Variants in RNLS observed in about 807,000 individuals in gnomAD.
RNLS encodes the protein renalase.
RNLS carries 39 observed loss-of-function variants against 39.8 expected under a neutral mutation model. That is an observed-to-expected ratio of 0.98 (90% CI 0.76 to 1.28). RNLS has a LOEUF of 1.28. RNLS is among the 50% of genes most tolerant of loss of function. The probability of loss-of-function intolerance (pLI) is 0.00; values close to 1 mark genes in which losing one functional copy is unlikely to be tolerated. For missense variants in RNLS, 410 were observed against 413.3 expected (o/e 0.99, Z 0.07); for synonymous variants, 147 against 150.7 (o/e 0.98, Z 0.18).
In RNLS at chr10:88,340,176, G is replaced by A. The variant is rs542927050; in HGVS notation, c.700+22376C>T. Among the ~76,000 whole-genome samples, 6 of 152,288 alleles carry A rather than the reference G, an allele frequency of 3.9e-5. No homozygotes were observed. In the East Asian group the frequency reaches 1.2e-3, roughly 29 times the overall value. ...AAAACCAAGGAGGTGAGATTTCCAG[G>A]TTCCCAAGCACAGGATAAAAATCCT... On this transcript the variant is annotated intron_variant, in intron 5 of 6. Coordinates refer to ENST00000331772, the MANE Select transcript of RNLS (RefSeq NM_001031709.3).
intron 4 of RNLS, among the ~76,000 whole-genome samples, chr10:88,522,928 T>TC (rs1317897461): frequency 6.6e-6 from 1 of 152,138 alleles, no homozygotes; most frequent in Non-Finnish European, 1.5e-5. Flanking sequence ...CACTGGTTTT[T>TC]CCCCAAAGAA....
At chr10:88,281,890 A>G (rs758946401), downstream of RNLS, among the ~76,000 whole-genome samples, 5 of 152,102 alleles carry the variant, frequency 3.3e-5, no homozygotes, top group African/African-American at 1.2e-4. Flanking sequence ...AGAGGCAGGA[A>G]AAAAAATAGA....
At chr10:88,522,125 C>T (rs1260117590) in intron 4 of RNLS, among the ~76,000 whole-genome samples, 1 of 152,022 alleles carries the variant, frequency 6.6e-6, no homozygotes, top group Non-Finnish European at 1.5e-5. Context: ...TGAAATGGGG[C>T]CAATGCACCC....
the RNLS span, among the ~76,000 whole-genome samples, chr10:88,214,286 G>T: frequency 6.6e-6 from 1 of 152,066 alleles, no homozygotes; most frequent in Non-Finnish European, 1.5e-5. Context: ...GGGAAGTCAG[G>T]CAAAGAGCCC....
At chr10:88,393,350 G>C (rs536693982) in intron 4 of RNLS, among the ~76,000 whole-genome samples, 28 of 151,952 alleles carry the variant, frequency 1.8e-4, no homozygotes, top group Middle Eastern at 3.4e-3. Flanking sequence ...AAAGTCTCAG[G>C]ATACAAAATC....
At chr10:88,524,194 CTT>C (rs1846937802) in intron 4 of RNLS, among the ~76,000 whole-genome samples, 5 of 152,048 alleles carry the variant, frequency 3.3e-5, no homozygotes, top group Non-Finnish European at 7.4e-5. Context: ...CCCCTGATGG[CTT>C]CCTGGGCCCT....
At chr10:88,459,008 A>G (rs1473239665) in intron 4 of RNLS, among the ~76,000 whole-genome samples, 1 of 152,188 alleles carries the variant, frequency 6.6e-6, no homozygotes, top group African/African-American at 2.4e-5. Context: ...CTCTCACTCA[A>G]TGCTTCCAAC....
chr10:88,269,634 TA>T (rs1050957595), downstream of RNLS, among the ~76,000 whole-genome samples: 1 of 152,086 alleles, frequency 6.6e-6, no homozygotes, highest in Non-Finnish European at 1.5e-5. Flanking sequence ...AGGGGCATTT[TA>T]AAAAAGGGTT....
the RNLS span, among the ~76,000 whole-genome samples, chr10:88,239,695 A>G: frequency 3.9e-5 from 6 of 152,222 alleles, no homozygotes; most frequent in African/African-American, 1.4e-4. Flanking sequence ...GAAATGTTTA[A>G]CCAATAACTT....
intron 4 of RNLS, among the ~76,000 whole-genome samples, chr10:88,452,343 C>T (rs1354213422): frequency 1.3e-5 from 2 of 152,184 alleles, no homozygotes; most frequent in Non-Finnish European, 2.9e-5. Context: ...TGAAGGTACA[C>T]ATAAATGGGA....
chr10:88,442,526 A>C (rs1204651650), intron 4 of RNLS, among the ~76,000 whole-genome samples: 1 of 152,164 alleles, frequency 6.6e-6, no homozygotes, highest in Non-Finnish European at 1.5e-5. Context: ...CAGAGCCCTG[A>C]TGGTTTTAAT....
At chr10:88,205,468 A>G in the RNLS span, among the ~76,000 whole-genome samples, 2 of 152,274 alleles carry the variant, frequency 1.3e-5, no homozygotes, top group African/African-American at 2.4e-5. Flanking sequence ...TGCTAGGAAC[A>G]TTATTCCTTA....
the RNLS span, among the ~76,000 whole-genome samples, chr10:88,196,498 A>G: frequency 6.6e-6 from 1 of 152,192 alleles, no homozygotes; most frequent in South Asian, 2.1e-4. Flanking sequence ...CAAAAGGCAG[A>G]GTCAATTTTT....
At chr10:88,470,504 T>C (rs1843457143) in intron 4 of RNLS, among the ~76,000 whole-genome samples, 1 of 152,212 alleles carries the variant, frequency 6.6e-6, no homozygotes, top group Admixed American at 6.5e-5. Flanking sequence ...CTGTTACCTG[T>C]TCTACAAATT....
At chr10:88,374,945 A>G (rs576603947) in intron 4 of RNLS, among the ~76,000 whole-genome samples, 15 of 152,072 alleles carry the variant, frequency 9.9e-5, no homozygotes, top group Non-Finnish European at 1.6e-4. Flanking sequence ...TACTATAACC[A>G]CAAATGACCT....
chr10:88,343,976 C>T (rs2133237511), intron 5 of RNLS, among the ~76,000 whole-genome samples: 1 of 152,286 alleles, frequency 6.6e-6, no homozygotes, highest in African/African-American at 2.4e-5. Context: ...CACTAAAATG[C>T]TCCACTTTCC....
intron 4 of RNLS, among the ~76,000 whole-genome samples, chr10:88,442,404 T>C (rs529199997): frequency 2.0e-5 from 3 of 152,344 alleles, no homozygotes; most frequent in East Asian, 1.9e-4. Context: ...ATTCAGAATA[T>C]GGTTTAAAAT....
chr10:88,391,710 C>T (rs1221454504), intron 4 of RNLS, among the ~76,000 whole-genome samples: 2 of 152,136 alleles, frequency 1.3e-5, no homozygotes, highest in African/African-American at 2.4e-5. Flanking sequence ...CTCCTCCATA[C>T]AAGCAATAAA....
At chr10:88,460,394 A>G (rs1415482059) in intron 4 of RNLS, among the ~76,000 whole-genome samples, 1 of 152,052 alleles carries the variant, frequency 6.6e-6, no homozygotes, top group African/African-American at 2.4e-5. Flanking sequence ...GCTGTCTCCT[A>G]CTCATCCTTT....
Sources: gnomAD v4.1 joint callset for allele counts (sites outside exome capture counted in the v4.1 genomes callset) on GRCh38, gnomAD v4.1.1 for gene constraint, MANE v1.5 for transcripts, NCBI Gene and HGNC (gene_info 2026-07-23, HGNC 2026-07-21) for gene names.